The following CUL4B variants were observed in gnomAD, a reference collection of about 807,000 sequenced individuals.
CUL4B encodes cullin 4B, also known as cullin-4B.
Under a neutral mutation model 69.2 loss-of-function variants are expected in CUL4B, and 1 was observed. The ratio of observed to expected loss-of-function variants is 0.01; its 90% CI spans 0.01 to 0.07. The LOEUF (loss-of-function observed/expected upper bound fraction) is 0.07, where lower values mean the gene tolerates loss of function less well. Among genes scored for constraint, CUL4B ranks in the 10% least tolerant of loss-of-function variants. The pLI is 1.00. For missense variants in CUL4B, 328 were observed against 638.8 expected (o/e 0.51, Z 5.24); for synonymous variants, 237 against 223.2 (o/e 1.06, Z -0.55).
intron 2 of CUL4B, among the ~76,000 whole-genome samples, chrX:120,557,266 T>C (rs1925032507): frequency 9.0e-6 from 1 of 111,432 alleles, no homozygotes; most frequent in African/African-American, 3.3e-5. Context: ...ACTTCTTGAA[T>C]TGGTTGTGTG....
chrX:120,539,623 T>C (rs1348299726), intron 11 of CUL4B, among the ~76,000 whole-genome samples: 5 of 111,849 alleles, frequency 4.5e-5, no homozygotes, highest in African/African-American at 1.6e-4. Flanking sequence ...ACTATACTGA[T>C]GTTTATGAAA....
chrX:120,541,566 C>T (rs1373604241), intron 10 of CUL4B, 36 bp downstream of exon 10: 1 of 899,967 alleles, frequency 1.1e-6, no homozygotes, highest in South Asian at 2.0e-5. Context: ...GTAGATAAGC[C>T]ATAAGAGAGA....
Position 120,560,578 on chromosome X carries a change from T to C in CUL4B, c.61A>G (p.Arg21Gly). Residue 21 changes from arginine to glycine, a missense_variant, in exon 1 of 20, where the codon AGA becomes GGA. Arg to Gly is a moderately radical substitution (Grantham distance 125, BLOSUM62 -2). Transcript: ENST00000371322. ...PSAAAAAQEV[R>G]SATDGNTSTT... ...CTGGTATTACCATCAGTGGCAGATC[T>C]GACCTCCTGAGCAGCAGCAGCAGCT... 2 of 1,208,886 alleles carry C rather than the reference T, an allele frequency of 1.7e-6. No homozygotes were observed. The highest frequency in any genetic ancestry group is 1.1e-6 in the Non-Finnish European group (1 of 894,647).
intron 2 of CUL4B, 49 bp from the exon 3 acceptor site, chrX:120,547,288 C>G: frequency 1.4e-6 from 1 of 717,005 alleles, no homozygotes; most frequent in Non-Finnish European, 2.2e-6. Flanking sequence ...GATTTCTCAA[C>G]TATTTACATC....
upstream of CUL4B, among the ~76,000 whole-genome samples, chrX:120,566,186 G>C (rs1166841720): frequency 2.8e-5 from 3 of 105,836 alleles, no homozygotes; most frequent in Non-Finnish European, 5.8e-5. Context: ...GGAGGCCAAA[G>C]CTCAAGCAAA....
chrX:120,563,817 T>C (rs1925414173), upstream of CUL4B, among the ~76,000 whole-genome samples: 1 of 112,170 alleles, frequency 8.9e-6, no homozygotes, highest in Non-Finnish European at 1.9e-5. Flanking sequence ...ATTACAAATA[T>C]TAGTGCAACT....
chrX:120,538,719 A>G lies in CUL4B; in HGVS notation c.1793T>C (p.Leu598Ser). Reference sequence around the variant, plus strand: ...ATCTACAGATGCACTCTTTCCGACTAACAGGCGCTTGGCTAAATCTTTCTT... The same window carrying G: ...ATCTACAGATGCACTCTTTCCGACTGACAGGCGCTTGGCTAAATCTTTCTT... The part of the protein sequence containing the change: ...FYKKDLAKRL[L>S]VGKSASVDAE... The change falls in exon 13 of 20, where the codon TTA (leucine) becomes TCA (serine). Residue 598 changes from leucine (L) to serine (S), a missense_variant. Leu to Ser is a moderately radical substitution (Grantham distance 145, BLOSUM62 -2). Around this residue, in one of 4 missense-constraint regions of CUL4B, gnomAD observed 98 missense variants for 296.8 expected, o/e 0.33. Transcript: ENST00000371322. 1 of 1,209,262 alleles carries G rather than the reference A, an allele frequency of 8.3e-7. No individual in the cohort carries two copies. Among genetic ancestry groups the G allele is most frequent in the Non-Finnish European group, 1.1e-6 (1 of 893,419 alleles).
rs781688194 is a variant in CUL4B at position 120,534,875 on chromosome X, C to T, written c.2161-289G>A. On this transcript the variant is annotated intron_variant, in intron 16 of 19. Transcript: ENST00000371322. The stretch of plus-strand genomic sequence containing the variant: ...AGCCTTATGTGTCATTCTAGATATT[C>T]ATCACAAGCAGCAAGAAATCACTAT... 5.4e-5 allele frequency among the ~76,000 whole-genome samples: 6 copies of T among 111,438 alleles called. No individual in the cohort carries two copies. In the South Asian group the frequency reaches 2.2e-3, roughly 41 times the overall value.
At chrX:120,569,474 C>T (rs752710403), downstream of CUL4B, among the ~76,000 whole-genome samples, 39 of 109,347 alleles carry the variant, frequency 3.6e-4, no homozygotes, top group Non-Finnish European at 5.5e-4. Flanking sequence ...CATTCTCCTG[C>T]CTCAGCCTCC....
At chrX:120,556,300 TTGAG>T (rs767681352) in intron 2 of CUL4B, among the ~76,000 whole-genome samples, 20 of 111,872 alleles carry the variant, frequency 1.8e-4, no homozygotes, top group African/African-American at 6.2e-4. Context: ...GTGCACTGAT[TTGAG>T]TATTTTGCGT....
upstream of CUL4B, among the ~76,000 whole-genome samples, chrX:120,565,376 C>CCAAAA (rs1047388852): frequency 2.8e-5 from 3 of 109,056 alleles, no homozygotes; most frequent in Non-Finnish European, 3.8e-5. Context: ...AAAGCAAAAA[C>CCAAAA]CAAAACAAAA....
At chrX:120,535,704 C>CAAAAAAAAAAAAAAAAAA (rs71820203) in intron 16 of CUL4B, 126 bp downstream of exon 16, 8 of 189,755 alleles carry the variant, frequency 4.2e-5, no homozygotes, top group East Asian at 1.1e-4. Context: ...GACTCTGTCT[C>CAAAAAAAAAAAAAAAAAA]AAAAAAAAAA....
At chrX:120,547,300 G>C in intron 2 of CUL4B, 61 bp from the exon 3 acceptor site, 1 of 671,024 alleles carries the variant, frequency 1.5e-6, no homozygotes, top group Non-Finnish European at 2.4e-6. Context: ...ATTTACATCA[G>C]ATTCTTATTA....
chrX:120,565,670 CAAAAAAAAAAAAA>C (rs1198327776), upstream of CUL4B, among the ~76,000 whole-genome samples: 996 of 22,430 alleles, frequency 0.044, 10 homozygotes, highest in South Asian at 0.12. Flanking sequence ...TGACAGAGTG[CAAAAAAAAAAAAA>C]AAAAAAAAAA....
chrX:120,564,130 C>G (rs1925423468), upstream of CUL4B, among the ~76,000 whole-genome samples: 2 of 111,424 alleles, frequency 1.8e-5, no homozygotes, highest in African/African-American at 6.5e-5. Flanking sequence ...TAGTGAAACC[C>G]CGTTTCCACT....
At position 120,558,012 on chromosome X, in the gene CUL4B, G is replaced by T; in HGVS notation, c.584C>A (p.Thr195Lys). Reference sequence around the variant, plus strand: ...TTTCAGTTTTTGCCAGGTTTCATCTGTGTAGTTTTCTGGTAATTTAGGCTT... The same window carrying T: ...TTTCAGTTTTTGCCAGGTTTCATCTTTGTAGTTTTCTGGTAATTTAGGCTT... The part of the protein sequence containing the change: ...KDKPKLPENY[T>K]DETWQKLKEA... Residue 195 changes from threonine to lysine, a missense_variant, in exon 2 of 20, where the codon ACA (threonine) becomes AAA (lysine). By Grantham distance (78) the Thr-to-Lys change is moderately conservative. Around this residue, in one of 4 missense-constraint regions of CUL4B, gnomAD observed 126 missense variants for 202.5 expected, o/e 0.62. Coordinates refer to ENST00000371322, the MANE Select transcript of CUL4B (RefSeq NM_001079872.2). 8.3e-7 allele frequency: 1 copy of T among 1,204,487 alleles called. No homozygotes were observed.
intron 2 of CUL4B, among the ~76,000 whole-genome samples, chrX:120,552,678 AAC>A (rs1491027834): frequency 4.5e-5 from 5 of 111,791 alleles, no homozygotes; most frequent in Non-Finnish European, 9.4e-5. Flanking sequence ...CTGAAAAAAA[AAC>A]ACAGTCAAAA....
At chrX:120,536,683 G>A (rs1432117985) in intron 15 of CUL4B, among the ~76,000 whole-genome samples, 5 of 111,451 alleles carry the variant, frequency 4.5e-5, no homozygotes, top group Non-Finnish European at 9.4e-5. Flanking sequence ...GTGTTGGTGC[G>A]CTTACTGACA....
intron 2 of CUL4B, among the ~76,000 whole-genome samples, chrX:120,548,905 G>C (rs890100529): frequency 8.9e-6 from 1 of 112,079 alleles, no homozygotes; most frequent in African/African-American, 3.2e-5. Context: ...AGAAAGAACT[G>C]CATTTTTACT....
Sources: allele counts gnomAD v4.1 joint callset (sites outside exome capture counted in the v4.1 genomes callset), GRCh38; gene constraint gnomAD v4.1.1; regional missense constraint gnomAD v4.1.1; transcripts MANE v1.5; gene names NCBI Gene and HGNC (gene_info 2026-07-23, HGNC 2026-07-21).